ADGRB3: variants seen among roughly 807,000 people sequenced by gnomAD.
The protein encoded by ADGRB3 is brain-specific angiogenesis inhibitor 3.
In ADGRB3, 37 loss-of-function variants were observed where a neutral mutation model predicts 193.4. That is an observed-to-expected ratio of 0.19 (90% CI 0.15 to 0.25). The LOEUF is 0.25. ADGRB3 is among the 10% of genes least tolerant of loss of function. The probability of loss-of-function intolerance (pLI) is 1.00; values close to 1 mark genes in which losing one functional copy is unlikely to be tolerated. For synonymous variants in ADGRB3, 690 were observed against 644.2 expected, an observed-to-expected ratio of 1.07 and a Z score of -1.08; for missense variants, 1,637 against 1,852.9, an observed-to-expected ratio of 0.88 and a Z score of 2.14.
chr6:69,241,590 C>A (rs938555830), intron 20 of ADGRB3, among the ~76,000 whole-genome samples: 1 of 151,886 alleles, frequency 6.6e-6, no homozygotes, highest in Non-Finnish European at 1.5e-5. Context: ...TCAATGTCCT[C>A]TTTGTTTTGT....
chr6:69,119,624 C>T (rs1357878017), intron 17 of ADGRB3, among the ~76,000 whole-genome samples: 4 of 151,934 alleles, frequency 2.6e-5, no homozygotes, highest in Non-Finnish European at 4.4e-5. Flanking sequence ...TGAGGAAGAG[C>T]ATTCCAGGAA....
At position 69,233,348 on chromosome 6, in the gene ADGRB3, T is replaced by C. The variant is rs1766192341; in HGVS notation, c.2539T>C (p.Ser847Pro). The change falls in exon 18 of 32, where the codon TCC becomes CCC. Residue 847 changes from serine to proline, a missense_variant. By Grantham distance (74) the Ser-to-Pro change is moderately conservative (BLOSUM62 -1). Around this residue, in one of 7 missense-constraint regions of ADGRB3, gnomAD observed 641 missense variants for 673.9 expected, o/e 0.95. Coordinates refer to ENST00000370598, the MANE Select transcript of ADGRB3 (RefSeq NM_001704.3). ...ATGTAAAACTGTGCTTACCGATGCA[T>C]CCCATACGAAATGCTTATGTGATCG... ...QGCKTVLTDASHTKCLCDRLS... is the reference protein window; with the variant it reads ...QGCKTVLTDAPHTKCLCDRLS... 1.2e-6 allele frequency: 2 copies of C among 1,613,962 alleles called. No individual in the cohort carries two copies. Among genetic ancestry groups the C allele is most frequent in the African/African-American group, 2.7e-5 (2 of 74,890 alleles).
intron 13 of ADGRB3, among the ~76,000 whole-genome samples, chr6:69,030,606 G>A (rs1439233027): frequency 6.6e-6 from 1 of 152,090 alleles, no homozygotes; most frequent in Non-Finnish European, 1.5e-5. Context: ...CACACACCAG[G>A]GCCTGTCAGG....
intron 3 of ADGRB3, among the ~76,000 whole-genome samples, chr6:68,661,863 A>G (rs2127288956): frequency 6.6e-6 from 1 of 151,342 alleles, no homozygotes; most frequent in East Asian, 2.0e-4. Flanking sequence ...TGGGACCATG[A>G]TGAGGCTTCT....
At chr6:69,158,811 GT>G (rs1168397505) in intron 17 of ADGRB3, among the ~76,000 whole-genome samples, 2 of 151,982 alleles carry the variant, frequency 1.3e-5, no homozygotes, top group Non-Finnish European at 2.9e-5. Context: ...GAGGGAGCTG[GT>G]CTTCTTGCAA....
At chr6:68,699,533 G>C (rs979916874) in intron 3 of ADGRB3, among the ~76,000 whole-genome samples, 1 of 151,916 alleles carries the variant, frequency 6.6e-6, no homozygotes, top group South Asian at 2.1e-4. Flanking sequence ...GTTGGTACTT[G>C]ATTGATTACA....
At chr6:69,214,639 T>G (rs1191476299) in intron 17 of ADGRB3, among the ~76,000 whole-genome samples, 1 of 151,978 alleles carries the variant, frequency 6.6e-6, no homozygotes, top group African/African-American at 2.4e-5. Flanking sequence ...TGTGGATATG[T>G]GACTTTGAAG....
intron 3 of ADGRB3, among the ~76,000 whole-genome samples, chr6:68,640,525 CAG>C (rs1193981460): frequency 6.6e-6 from 1 of 152,182 alleles, no homozygotes; most frequent in South Asian, 2.1e-4. Context: ...ATCCTGAAAC[CAG>C]AGAGTGTGTT....
intron 13 of ADGRB3, among the ~76,000 whole-genome samples, chr6:69,035,102 A>C (rs565612363): frequency 1.3e-5 from 2 of 152,072 alleles, no homozygotes; most frequent in Non-Finnish European, 2.9e-5. Flanking sequence ...AATTTCTACT[A>C]TAATACCATT....
intron 8 of ADGRB3, among the ~76,000 whole-genome samples, chr6:68,973,540 A>C (rs1039522308): frequency 7.2e-5 from 11 of 152,238 alleles, no homozygotes; most frequent in Non-Finnish European, 1.0e-4. Flanking sequence ...TTCTGCAAGG[A>C]AGATGTTTCT....
intron 19 of ADGRB3, among the ~76,000 whole-genome samples, chr6:69,237,569 A>T (rs1219349163): frequency 2.6e-5 from 4 of 152,052 alleles, no homozygotes; most frequent in African/African-American, 4.8e-5. Context: ...CATAGCAATT[A>T]TGAAGGCAAC....
At chr6:69,164,580 G>A (rs1217738210) in intron 17 of ADGRB3, among the ~76,000 whole-genome samples, 1 of 152,066 alleles carries the variant, frequency 6.6e-6, no homozygotes, top group Non-Finnish European at 1.5e-5. Flanking sequence ...AAGAAGGCAA[G>A]CATTAGCACC....
intron 3 of ADGRB3, among the ~76,000 whole-genome samples, chr6:68,922,235 C>T (rs1173043423): frequency 6.6e-6 from 1 of 152,114 alleles, no homozygotes; most frequent in East Asian, 1.9e-4. Context: ...AATGGGTGCT[C>T]ATTTAATGTT....
At chr6:68,667,383 C>A (rs1220639811) in intron 3 of ADGRB3, among the ~76,000 whole-genome samples, 4 of 151,856 alleles carry the variant, frequency 2.6e-5, no homozygotes, top group Admixed American at 2.6e-4. Flanking sequence ...TGCTAAAATG[C>A]TAATTCATAG....
intron 17 of ADGRB3, among the ~76,000 whole-genome samples, chr6:69,186,584 G>A (rs1354006416): frequency 6.6e-6 from 1 of 151,912 alleles, no homozygotes; most frequent in African/African-American, 2.4e-5. Flanking sequence ...GAGAAGCCTG[G>A]CACATAATAA....
At chr6:68,879,574 G>A (rs1294831593) in intron 3 of ADGRB3, among the ~76,000 whole-genome samples, 1 of 149,776 alleles carries the variant, frequency 6.7e-6, no homozygotes, top group African/African-American at 2.4e-5. Context: ...CCCCCAACTG[G>A]TAGCAAAAAA....
At chr6:68,736,032 G>A (rs1191709791) in intron 3 of ADGRB3, among the ~76,000 whole-genome samples, 1 of 152,076 alleles carries the variant, frequency 6.6e-6, no homozygotes, top group Non-Finnish European at 1.5e-5. Flanking sequence ...TTGATTTAGA[G>A]ACTGAGTCTT....
chr6:69,338,616 G>A (rs1768903025), intron 24 of ADGRB3, among the ~76,000 whole-genome samples: 1 of 152,164 alleles, frequency 6.6e-6, no homozygotes, highest in Non-Finnish European at 1.5e-5. Flanking sequence ...TATGTCTACA[G>A]AAGCACATGC....
chr6:69,147,856 T>C (rs1445821608), intron 17 of ADGRB3, among the ~76,000 whole-genome samples: 1 of 152,208 alleles, frequency 6.6e-6, no homozygotes, highest in Non-Finnish European at 1.5e-5. Flanking sequence ...AAAATTGATG[T>C]ATCTTCCTAT....
Sources: allele counts gnomAD v4.1 joint callset (sites outside exome capture counted in the v4.1 genomes callset), GRCh38; gene constraint gnomAD v4.1.1; regional missense constraint gnomAD v4.1.1; transcripts MANE v1.5; gene names NCBI Gene and HGNC (gene_info 2026-07-23, HGNC 2026-07-21).